Variants in PCDHA3 observed in about 807,000 individuals in gnomAD.
The protein encoded by PCDHA3 is protocadherin alpha-3.
Under a neutral mutation model 62.2 loss-of-function variants are expected in PCDHA3, and 41 were observed. The observed-to-expected ratio is 0.66, with a 90% CI of 0.51 to 0.86. PCDHA3 has a LOEUF of 0.86. Ranked by LOEUF, PCDHA3 falls within the 40% of genes least tolerant of loss-of-function variation. The pLI is 0.00. For missense variants in PCDHA3, 1,304 were observed against 1,241.2 expected (o/e 1.05, Z -0.76); for synonymous variants, 640 against 555.4 (o/e 1.15, Z -2.14).
In PCDHA3 at chr5:140,809,158, C is replaced by A. The variant is rs782790826; in HGVS notation, c.2394+5567C>A. 5 of 1,613,830 alleles carry A rather than the reference C, an allele frequency of 3.1e-6. No individual in the cohort carries two copies. In the African/African-American group the frequency reaches 6.7e-5, roughly 22 times the overall value. ...TACTGGTGAAGGACCACGGCGAGCC[C>A]GCGCTGACGGCCACGGCCACTGTGC... On this transcript the variant is annotated intron_variant, in intron 1 of 3. Transcript: ENST00000522353.
intron 1 of PCDHA3, among the ~76,000 whole-genome samples, chr5:140,910,210 G>A (rs987095100): frequency 6.6e-6 from 1 of 152,120 alleles, no homozygotes; most frequent in Non-Finnish European, 1.5e-5. Context: ...ACTTGACCTG[G>A]AAGTTTTCTG....
In PCDHA3 at chr5:140,857,559, C is replaced by T; in HGVS notation, c.2394+53968C>T. On this transcript the variant is annotated intron_variant, in intron 1 of 3. Transcript: ENST00000522353. The stretch of plus-strand genomic sequence containing the variant: ...CGGCGGTTGGGCGAGCGCTCGCTGT[C>T]GAGCTACGTGTCGGTGCACGCGGAG... 1.3e-6 allele frequency: 2 copies of T among 1,596,876 alleles called. No homozygotes were observed. Among genetic ancestry groups the T allele is most frequent in the South Asian group, 1.1e-5 (1 of 90,494 alleles).
chr5:140,985,759 T>TTTTA (rs2097169056), intron 3 of PCDHA3, among the ~76,000 whole-genome samples: 2 of 149,086 alleles, frequency 1.3e-5, no homozygotes, highest in East Asian at 2.0e-4. Context: ...TTTTTTTTTT[T>TTTTA]GAGACAGTCT....
intron 1 of PCDHA3, chr5:140,863,340 G>T: frequency 7.4e-7 from 1 of 1,360,462 alleles, no homozygotes. Flanking sequence ...TCACGTTGCT[G>T]CTGTACACGA....
chr5:140,988,750 C>G (rs1282256432), intron 3 of PCDHA3, among the ~76,000 whole-genome samples: 1 of 152,074 alleles, frequency 6.6e-6, no homozygotes, highest in Non-Finnish European at 1.5e-5. Context: ...GATTGGTGGC[C>G]TGGGCAGAAT....
intron 1 of PCDHA3, among the ~76,000 whole-genome samples, chr5:140,937,993 G>A (rs1554211932): frequency 6.6e-6 from 1 of 151,358 alleles, no homozygotes. Flanking sequence ...TGTTAACTTT[G>A]TATCCAATGT....
intron 1 of PCDHA3, among the ~76,000 whole-genome samples, chr5:140,890,467 AT>A (rs1562850687): frequency 1.3e-5 from 2 of 152,154 alleles, no homozygotes; most frequent in African/African-American, 4.8e-5. Context: ...AAATATTTCA[AT>A]TTTTTGTGCG....
At position 140,843,279 on chromosome 5, in the gene PCDHA3, A is replaced by T. The variant is rs1778750894; in HGVS notation, c.2394+39688A>T. 3.8e-6 allele frequency: 6 copies of T among 1,595,936 alleles called. 2 individuals carry two copies. Among genetic ancestry groups the T allele is most frequent in the Non-Finnish European group, 4.3e-6 (5 of 1,165,554 alleles). On this transcript the variant is annotated intron_variant, in intron 1 of 3. Coordinates refer to ENST00000522353, the MANE Select transcript of PCDHA3 (RefSeq NM_018906.3). ...CACCGTCTGCTGGTCCTGGTGAAGGATCATGGTGAACCTGCGCTGACCGCC... is the reference window on the plus strand; with the variant it reads ...CACCGTCTGCTGGTCCTGGTGAAGGTTCATGGTGAACCTGCGCTGACCGCC...
rs2150133145 is a variant in PCDHA3, at chr5:140,824,197, C to CT, written c.2394+20613dup. 4.4e-5 allele frequency: 70 copies of CT among 1,598,448 alleles called. No homozygotes were observed. In the African/African-American group the frequency reaches 7.8e-4, roughly 18 times the overall value. ...AAATATTAAATGTCACATTCACCCA[C>CT]TTTTTTTGTATTTAAAAATTATGTC... is the stretch of plus-strand genomic sequence containing the variant. On this transcript the variant is annotated intron_variant, in intron 1 of 3. Coordinates refer to ENST00000522353, the MANE Select transcript of PCDHA3 (RefSeq NM_018906.3).
intron 1 of PCDHA3, among the ~76,000 whole-genome samples, chr5:140,970,887 G>A (rs2096441583): frequency 6.6e-6 from 1 of 152,118 alleles, no homozygotes; most frequent in Non-Finnish European, 1.5e-5. Context: ...TTTTCTCATG[G>A]ACATTTCAGA....
intron 1 of PCDHA3, chr5:140,876,529 A>G (rs375358450): frequency 1.2e-5 from 19 of 1,614,034 alleles, no homozygotes; most frequent in Non-Finnish European, 1.5e-5. Context: ...AGTAATGGTT[A>G]CTTCACTGTC....
Position 140,853,680 on chromosome 5 carries a change from C to G in PCDHA3, c.2394+50089C>G, listed in dbSNP as rs142269623. 1,623 of 988,078 alleles carry G rather than the reference C, an allele frequency of 1.6e-3. 141 individuals are homozygous for G. The highest frequency in any genetic ancestry group is 5.6e-3 in the South Asian group (118 of 21,118). 61.2% of individuals were successfully genotyped at this position (988,078 alleles called of 1,614,324 possible). A position where few individuals can be genotyped will look rare whatever the true frequency, so the allele number is the denominator to read the frequency against. On this transcript the variant is annotated intron_variant, in intron 1 of 3. Transcript: ENST00000522353. Reference sequence around the variant, plus strand: ...AGACAAATTGGGGCCTATGGTCAACCTATCCTTAGACCTGCTAACGCATTA... The same window carrying G: ...AGACAAATTGGGGCCTATGGTCAACGTATCCTTAGACCTGCTAACGCATTA...
In PCDHA3 at chr5:140,843,388, G is replaced by A; in HGVS notation, c.2394+39797G>A. 18 of 1,596,064 alleles carry A rather than the reference G, an allele frequency of 1.1e-5. 1 individual carries two copies. Among genetic ancestry groups the A allele is most frequent in the Non-Finnish European group, 1.5e-5 (17 of 1,165,572 alleles). ...GGCAGTCGGCTGGCGTTTTGGGTCCGGAAGCGGCGCTGGTGGATGTCAACG... is the reference window on the plus strand; with the variant it reads ...GGCAGTCGGCTGGCGTTTTGGGTCCAGAAGCGGCGCTGGTGGATGTCAACG... On this transcript the variant is annotated intron_variant, in intron 1 of 3. Coordinates refer to ENST00000522353, the MANE Select transcript of PCDHA3 (RefSeq NM_018906.3).
chr5:140,930,841 A>T (rs2087150671), intron 1 of PCDHA3, among the ~76,000 whole-genome samples: 1 of 152,230 alleles, frequency 6.6e-6, no homozygotes, highest in South Asian at 2.1e-4. Context: ...ATGAATAAAT[A>T]TGTGCATATA....
intron 1 of PCDHA3, chr5:140,870,608 C>G (rs1408684171): frequency 6.2e-7 from 1 of 1,613,106 alleles, no homozygotes; most frequent in African/African-American, 1.3e-5. Flanking sequence ...GGCGACCGCG[C>G]GCTGTCGAGC....
At chr5:140,808,829 A>C (rs1382810188) in intron 1 of PCDHA3, 6 of 1,612,990 alleles carry the variant, frequency 3.7e-6, no homozygotes, top group Middle Eastern at 3.5e-4. Context: ...TCTGGGCAGC[A>C]ACGTGACGCT....
chr5:140,830,385 C>G, intron 1 of PCDHA3: 2 of 1,614,120 alleles, frequency 1.2e-6, no homozygotes, highest in Non-Finnish European at 1.7e-6. Flanking sequence ...GAGGGCCCAC[C>G]CAAGATGGAT....
chr5:140,809,491 C>A lies in PCDHA3; in HGVS notation c.2394+5900C>A, dbSNP rs782810628. 2.5e-6 allele frequency: 4 copies of A among 1,614,102 alleles called. No individual in the cohort carries two copies. The Admixed American group carries it at 5.0e-5, about 20-fold the overall frequency. ...CTGGTGAGGGCCCACCCAAGACCGA[C>A]CTCATGGCCTTCAGCCCCAGTTTAC... On this transcript the variant is annotated intron_variant, in intron 1 of 3. Coordinates refer to ENST00000522353, the MANE Select transcript of PCDHA3 (RefSeq NM_018906.3).
intron 1 of PCDHA3, chr5:140,856,070 C>G (rs533914587): frequency 1.3e-6 from 2 of 1,591,758 alleles, no homozygotes; most frequent in South Asian, 2.2e-5. Context: ...ATGTAGCTGC[C>G]TGGGGGTCCA....
Sources: allele counts gnomAD v4.1 joint callset (sites outside exome capture counted in the v4.1 genomes callset), GRCh38; gene constraint gnomAD v4.1.1; transcripts MANE v1.5; gene names NCBI Gene and HGNC (gene_info 2026-07-23, HGNC 2026-07-21).